Variants in TRAF3IP3 observed in about 807,000 individuals in gnomAD.
The protein encoded by TRAF3IP3 is TRAF3 interacting protein 3, also known as TRAF3-interacting JNK-activating modulator.
A neutral mutation model predicts 86.5 loss-of-function variants in TRAF3IP3; 64 were observed. That is an observed-to-expected ratio of 0.74 (90% CI 0.60 to 0.91). TRAF3IP3 has a LOEUF of 0.91. Among genes scored for constraint, TRAF3IP3 ranks in the 40% least tolerant of loss-of-function variants. TRAF3IP3 has a pLI of 0.00. For synonymous variants in TRAF3IP3, 220 were observed against 243.9 expected (o/e 0.90, Z 0.91); for missense variants, 579 against 642.9 (o/e 0.90, Z 1.07).
chr1:209,765,090 G>T (rs958000810), intron 8 of TRAF3IP3, among the ~76,000 whole-genome samples: 1 of 151,810 alleles, frequency 6.6e-6, no homozygotes, highest in Admixed American at 6.6e-5. Context: ...CACGAGAATC[G>T]CTTGAGCCCA....
chr1:209,757,258 T>C (rs113622644), intron 1 of TRAF3IP3, among the ~76,000 whole-genome samples: 4 of 152,302 alleles, frequency 2.6e-5, no homozygotes, highest in African/African-American at 9.6e-5. Flanking sequence ...CAGCTGTGTG[T>C]TTCAGTGGAC....
intron 8 of TRAF3IP3, among the ~76,000 whole-genome samples, chr1:209,765,216 AGAGAGAGAGAG>A (rs1558012918): frequency 1.7e-4 from 15 of 87,134 alleles, no homozygotes; most frequent in East Asian, 1.6e-3. Flanking sequence ...AGAGAGAGGG[AGAGAGAGAGAG>A]AGGAAGGAAG....
Position 209,760,229 on chromosome 1 carries a change from CAGT to C in TRAF3IP3, c.191_193del (p.Gln64_Phe65delinsLeu). The C allele has an allele frequency of 6.2e-7, 1 of 1,614,244 alleles. No homozygotes were observed. Among genetic ancestry groups the C allele is most frequent in the South Asian group, 1.1e-5 (1 of 91,086 alleles). On this transcript the variant is annotated inframe_deletion, in exon 3 of 17. Transcript: ENST00000367025. Reference sequence around the variant, plus strand: ...GCAGCTCCAGAGAGCTCGACTGCAGCAGTTCTTCAGGAGGAGGAACCTGGAGCT... The same window carrying C: ...GCAGCTCCAGAGAGCTCGACTGCAGCTCTTCAGGAGGAGGAACCTGGAGCT...
At chr1:209,768,239 G>T in intron 8 of TRAF3IP3, 2 of 985,362 alleles carry the variant, frequency 2.0e-6, no homozygotes, top group Non-Finnish European at 2.4e-6. Context: ...CACATGCTGA[G>T]AACTTACCAC....
intron 8 of TRAF3IP3, among the ~76,000 whole-genome samples, chr1:209,770,243 TCTCC>T (rs1238447115): frequency 1.3e-5 from 2 of 152,372 alleles, no homozygotes; most frequent in South Asian, 2.1e-4. Flanking sequence ...CTTTAATATC[TCTCC>T]GTTTCTTGCT....
intron 8 of TRAF3IP3, among the ~76,000 whole-genome samples, chr1:209,771,530 T>A (rs1313182166): frequency 1.4e-5 from 2 of 138,412 alleles, no homozygotes; most frequent in South Asian, 4.6e-4. Flanking sequence ...TGTGTGCAGG[T>A]GGAGGTACGT....
chr1:209,771,020 AT>A (rs2077489107), intron 8 of TRAF3IP3, among the ~76,000 whole-genome samples: 5 of 92,038 alleles, frequency 5.4e-5, no homozygotes, highest in South Asian at 4.0e-4. Flanking sequence ...GTGCATGTGG[AT>A]GTGTGTGTGT....
Position 209,781,233 on chromosome 1 carries a change from A to G in TRAF3IP3, c.1450-112A>G, listed in dbSNP as rs554292120. The G allele has an allele frequency of 1.2e-4, 78 of 649,410 alleles. 1 individual carries two copies. In the South Asian group the frequency reaches 1.3e-3, roughly 11 times the overall value. The allele number at this position is 649,410 out of a possible 1,614,324, so 40.2% of individuals were successfully genotyped here. On this transcript the variant is annotated intron_variant, in intron 15 of 16. Coordinates refer to ENST00000367025, the MANE Select transcript of TRAF3IP3 (RefSeq NM_025228.4). ...AATCCCTGAGAATGGCTGGGAAGGG[A>G]AGATGGTGGTAAAAATTCCAAATGA...
intron 12 of TRAF3IP3, chr1:209,777,840 C>G (rs1014467278): frequency 1.6e-4 from 86 of 533,614 alleles, no homozygotes; most frequent in Non-Finnish European, 2.6e-4. Flanking sequence ...GAAAGTCTCT[C>G]AGTCACATCC....
chr1:209,761,496 T>C (rs643118), intron 3 of TRAF3IP3, among the ~76,000 whole-genome samples: 97,580 of 152,078 alleles, frequency 0.64, 34,484 homozygotes, highest in East Asian at 0.79. Flanking sequence ...GTGGGTACTC[T>C]ATCAGGGCTT....
At chr1:209,759,952 C>G in intron 2 of TRAF3IP3, 30 bp from the exon 3 acceptor site, 1 of 1,111,754 alleles carries the variant, frequency 9.0e-7, no homozygotes, top group South Asian at 1.4e-5. Flanking sequence ...TCTGACCCCT[C>G]CCCTTCTCCT....
intron 8 of TRAF3IP3, among the ~76,000 whole-genome samples, chr1:209,772,681 G>T (rs1288780812): frequency 2.1e-5 from 3 of 141,882 alleles, no homozygotes; most frequent in Non-Finnish European, 4.4e-5. Context: ...GGGCCCCCCT[G>T]CTATGCTACC....
intron 8 of TRAF3IP3, among the ~76,000 whole-genome samples, chr1:209,768,894 C>G (rs1217461428): frequency 6.6e-6 from 1 of 152,170 alleles, no homozygotes; most frequent in African/African-American, 2.4e-5. Flanking sequence ...TTGGGGAGTC[C>G]AGAAAAGCAG....
Position 209,760,215 on chromosome 1 carries a change from G to A in TRAF3IP3, c.176G>A (p.Arg59Lys). 6.2e-7 allele frequency: 1 copy of A among 1,614,252 alleles called. No homozygotes were observed. Among genetic ancestry groups the A allele is most frequent in the Non-Finnish European group, 8.5e-7 (1 of 1,180,044 alleles). ...LRIQQREQLQ[R>K]ARLQQFFRRR... ...ATCCAACAGAGAGAGCAGCTCCAGA[G>A]AGCTCGACTGCAGCAGTTCTTCAGG... The change falls in exon 3 of 17, where the codon AGA (arginine) becomes AAA (lysine). Residue 59 changes from arginine (R) to lysine (K), a missense_variant. Coordinates refer to ENST00000367025, the MANE Select transcript of TRAF3IP3 (RefSeq NM_025228.4).
Position 209,782,156 on chromosome 1 carries a change from G to A in TRAF3IP3, c.*8G>A, listed in dbSNP as rs529994882. 27 of 1,609,670 alleles carry A rather than the reference G, an allele frequency of 1.7e-5. No individual in the cohort carries two copies. In the South Asian group the frequency reaches 2.9e-4, roughly 17 times the overall value. On this transcript the variant is annotated 3_prime_UTR_variant, in exon 17 of 17. Coordinates refer to ENST00000367025, the MANE Select transcript of TRAF3IP3 (RefSeq NM_025228.4). ...GACAACCTGATGATCTGAATAATTT[G>A]TGACAACTGCCTTGGGTGAAAATCA...
chr1:209,778,072 T>C (rs368729556), intron 12 of TRAF3IP3, 39 bp from the exon 13 acceptor site: 89 of 1,581,708 alleles, frequency 5.6e-5, no homozygotes, highest in Non-Finnish European at 7.6e-5. Context: ...CATTAAGTCT[T>C]GGGTTCCTTT....
chr1:209,779,347 G>C lies in TRAF3IP3; in HGVS notation c.1285G>C (p.Glu429Gln). 1 of 1,614,136 alleles carries C rather than the reference G, an allele frequency of 6.2e-7. No homozygotes were observed. The highest frequency in any genetic ancestry group is 8.5e-7 in the Non-Finnish European group (1 of 1,179,982). Residue 429 changes from glutamate (E) to glutamine (Q), a missense_variant, in exon 14 of 17, where the codon GAA becomes CAA. By Grantham distance (29) the Glu-to-Gln change is conservative. Transcript: ENST00000367025. Reference protein sequence around the residue: ...LLQNQSLQLQEQEKLLTKKDQ... With the variant: ...LLQNQSLQLQQQEKLLTKKDQ... ...TCAAAATCAATCCTTACAGCTTCAA[G>C]AACAGGAGAAACTCTTAACAAAGAA...
intron 15 of TRAF3IP3, chr1:209,780,807 GT>G: frequency 2.7e-6 from 1 of 368,916 alleles, no homozygotes; most frequent in Non-Finnish European, 4.7e-6. Flanking sequence ...CCTATTCAAG[GT>G]TTTATTAAAT....
chr1:209,769,739 G>A (rs541554409), intron 8 of TRAF3IP3, among the ~76,000 whole-genome samples: 4 of 152,288 alleles, frequency 2.6e-5, no homozygotes, highest in African/African-American at 9.6e-5. Context: ...AATGTTATAA[G>A]AGATGGAAAT....
Sources: gnomAD v4.1 joint callset for allele counts (sites outside exome capture counted in the v4.1 genomes callset) on GRCh38, gnomAD v4.1.1 for gene constraint, MANE v1.5 for transcripts, NCBI Gene and HGNC (gene_info 2026-07-23, HGNC 2026-07-21) for gene names.